ARHGEF7: variants seen among roughly 807,000 people sequenced by gnomAD.
ARHGEF7 encodes Rho guanine nucleotide exchange factor 7.
A neutral mutation model predicts 109.8 loss-of-function variants in ARHGEF7; 33 were observed. The observed-to-expected ratio is 0.30, with a 90% confidence interval of 0.23 to 0.40. The LOEUF is 0.40. Among genes scored for constraint, ARHGEF7 ranks in the 10% least tolerant of loss-of-function variants. ARHGEF7 has a pLI of 1.00. For missense variants in ARHGEF7, 938 were observed against 1,098.5 expected (o/e 0.85, Z 2.07); for synonymous variants, 458 against 424.6 (o/e 1.08, Z -0.97).
At chr13:111,127,712 C>T (rs2153336545) in intron 1 of ARHGEF7, among the ~76,000 whole-genome samples, 1 of 144,652 alleles carries the variant, frequency 6.9e-6, no homozygotes, top group East Asian at 2.1e-4. Flanking sequence ...TGAGGTTGTA[C>T]TTCCCAAACC....
intron 1 of ARHGEF7, among the ~76,000 whole-genome samples, chr13:111,139,290 C>T (rs936223555): frequency 2.0e-5 from 3 of 152,140 alleles, no homozygotes; most frequent in African/African-American, 2.4e-5. Flanking sequence ...AGTGTGGGAA[C>T]GACAGCAGGA....
At chr13:111,203,619 TAAGA>T (rs1369819308) in intron 2 of ARHGEF7, among the ~76,000 whole-genome samples, 1 of 152,264 alleles carries the variant, frequency 6.6e-6, no homozygotes, top group East Asian at 1.9e-4. Context: ...TTGTGAACTT[TAAGA>T]AAGTGACCTC....
chr13:111,150,397 G>C (rs1387359076), intron 1 of ARHGEF7, among the ~76,000 whole-genome samples: 1 of 152,200 alleles, frequency 6.6e-6, no homozygotes, highest in African/African-American at 2.4e-5. Context: ...TCTCATCCAG[G>C]TTTTTGTTTG....
In ARHGEF7 at chr13:111,272,001, C is replaced by T. The variant is rs2092192560; in HGVS notation, c.1074-1813C>T. On this transcript the variant is annotated intron_variant, in intron 9 of 21. Transcript: ENST00000646102. The surrounding 1 kb of genome is among the most constrained non-coding windows in gnomAD (Gnocchi z 5.2). ...ACCCTGGCCTTGGTTAATGAGACCA[C>T]CCTGGTTTTGTAGAAAGCGTTGAGA... Among the ~76,000 whole-genome samples the T allele has an allele frequency of 6.6e-6, 1 of 152,176 alleles. No individual in the cohort carries two copies. Among genetic ancestry groups the T allele is most frequent in the African/African-American group, 2.4e-5 (1 of 41,440 alleles).
intron 8 of ARHGEF7, among the ~76,000 whole-genome samples, chr13:111,249,216 C>G (rs140135421): frequency 1.3e-5 from 2 of 152,216 alleles, no homozygotes; most frequent in East Asian, 3.9e-4. Flanking sequence ...ACAAAGTTGG[C>G]TGCCATTAGC....
intron 1 of ARHGEF7, among the ~76,000 whole-genome samples, chr13:111,121,498 A>G (rs2067196406): frequency 6.6e-6 from 1 of 152,188 alleles, no homozygotes; most frequent in African/African-American, 2.4e-5. Context: ...AGTGGAGGCG[A>G]TGGGGGCTGT....
In ARHGEF7 at chr13:111,279,113, T is replaced by C. The variant is rs575002329; in HGVS notation, c.1507-1159T>C. Among the ~76,000 whole-genome samples the C allele has an allele frequency of 5.3e-5, 8 of 152,348 alleles. No individual in the cohort carries two copies. In the East Asian group the frequency reaches 1.5e-3, roughly 29 times the overall value. ...TCAGAGGGGCTAGGTTAAACACAGT[T>C]GTGCGGTTTCATTTTCTGTAGGACT... On this transcript the variant is annotated intron_variant, in intron 13 of 21. Coordinates refer to ENST00000646102, the MANE Select transcript of ARHGEF7 (RefSeq NM_001354046.2).
At chr13:111,214,611 G>A (rs1257761889) in intron 4 of ARHGEF7, among the ~76,000 whole-genome samples, 2 of 152,226 alleles carry the variant, frequency 1.3e-5, no homozygotes, top group Admixed American at 6.5e-5. Context: ...CCACACAAGA[G>A]CAAGGAACAC....
intron 2 of ARHGEF7, among the ~76,000 whole-genome samples, chr13:111,175,531 C>T (rs1481315503): frequency 6.6e-6 from 1 of 152,174 alleles, no homozygotes; most frequent in Non-Finnish European, 1.5e-5. Context: ...CTGCCTGCTG[C>T]AGGCTGGAGC....
intron 2 of ARHGEF7, among the ~76,000 whole-genome samples, chr13:111,185,748 G>T (rs1362889258): frequency 6.6e-6 from 1 of 152,144 alleles, no homozygotes; most frequent in African/African-American, 2.4e-5. Context: ...TAGGCTGTAT[G>T]GGCTGCTGTG....
chr13:111,217,583 A>G, intron 4 of ARHGEF7, 96 bp from the exon 5 acceptor site: 3 of 1,195,776 alleles, frequency 2.5e-6, no homozygotes, highest in Non-Finnish European at 2.4e-6. Context: ...CTGTTGGGCA[A>G]TTATGCTACC....
At chr13:111,174,245 C>T (rs2077889770) in intron 2 of ARHGEF7, among the ~76,000 whole-genome samples, 1 of 152,216 alleles carries the variant, frequency 6.6e-6, no homozygotes. Flanking sequence ...ACTCTTATTT[C>T]TCAGAGCTTA....
chr13:111,287,777 G>A (rs1476152626), intron 17 of ARHGEF7, among the ~76,000 whole-genome samples: 1 of 152,228 alleles, frequency 6.6e-6, no homozygotes, highest in African/African-American at 2.4e-5. Flanking sequence ...GGCAGAGCGG[G>A]AGGTAGCACA....
At chr13:111,147,558 A>T (rs2153366709) in intron 1 of ARHGEF7, among the ~76,000 whole-genome samples, 1 of 152,206 alleles carries the variant, frequency 6.6e-6, no homozygotes, top group Non-Finnish European at 1.5e-5. Context: ...ATGTTTTTCC[A>T]CCACAGCTTC....
At chr13:111,212,860 A>G (rs531597928) in intron 4 of ARHGEF7, among the ~76,000 whole-genome samples, 33 of 152,234 alleles carry the variant, frequency 2.2e-4, no homozygotes, top group Non-Finnish European at 4.3e-4. Context: ...GCCATAATGT[A>G]ATTGACAGTA....
At chr13:111,178,635 C>T (rs1401739929) in intron 2 of ARHGEF7, among the ~76,000 whole-genome samples, 1 of 152,188 alleles carries the variant, frequency 6.6e-6, no homozygotes, top group African/African-American at 2.4e-5. Context: ...TAGCGCTGTC[C>T]AGCTGGGCAT....
chr13:111,135,040 C>T (rs2075016102), intron 1 of ARHGEF7, among the ~76,000 whole-genome samples: 1 of 152,182 alleles, frequency 6.6e-6, no homozygotes, highest in Non-Finnish European at 1.5e-5. Flanking sequence ...TTCCCAGCAC[C>T]ATTTGTTAAA....
chr13:111,187,792 A>G (rs908171254), intron 2 of ARHGEF7, among the ~76,000 whole-genome samples: 1 of 152,062 alleles, frequency 6.6e-6, no homozygotes, highest in African/African-American at 2.4e-5. Flanking sequence ...TCCTTCTGTG[A>G]CCCGTTTCTT....
intron 5 of ARHGEF7, among the ~76,000 whole-genome samples, chr13:111,223,035 T>C (rs953673933): frequency 1.3e-5 from 2 of 152,248 alleles, no homozygotes; most frequent in Admixed American, 1.3e-4. Context: ...TTATTGTACC[T>C]AATTTCCAGA....
Sources: gnomAD v4.1 joint callset for allele counts (sites outside exome capture counted in the v4.1 genomes callset) on GRCh38, gnomAD v4.1.1 for gene constraint, Gnocchi (gnomAD v3.1) non-coding constraint, MANE v1.5 for transcripts, NCBI Gene and HGNC (gene_info 2026-07-23, HGNC 2026-07-21) for gene names.